Variants in ZNF521 observed in about 807,000 individuals in gnomAD.
ZNF521 encodes the protein LYST-interacting protein 3.
Under a neutral mutation model 105.5 loss-of-function variants are expected in ZNF521, and 14 were observed. The observed-to-expected ratio is 0.13, with a 90% CI of 0.09 to 0.21. ZNF521 has a LOEUF of 0.21. Ranked by LOEUF, ZNF521 falls within the 10% of genes least tolerant of loss-of-function variation. The probability of loss-of-function intolerance (pLI) is 1.00; values close to 1 mark genes in which losing one functional copy is unlikely to be tolerated. For synonymous variants in ZNF521, 635 were observed against 606.0 expected, an observed-to-expected ratio of 1.05 and a Z score of -0.70; for missense variants, 1,233 against 1,629.7, an observed-to-expected ratio of 0.76 and a Z score of 4.19.
At chr18:25,197,130 T>A (rs1329937230) in intron 4 of ZNF521, among the ~76,000 whole-genome samples, 1 of 151,890 alleles carries the variant, frequency 6.6e-6, no homozygotes, top group Non-Finnish European at 1.5e-5. Context: ...AGTTTTCTTT[T>A]ATCATTGAAT....
At chr18:25,180,283 A>C (rs1335959030) in intron 5 of ZNF521, among the ~76,000 whole-genome samples, 1 of 152,206 alleles carries the variant, frequency 6.6e-6, no homozygotes, top group Non-Finnish European at 1.5e-5. Context: ...AGCACCCTGG[A>C]CATAGAATGC....
intron 4 of ZNF521, among the ~76,000 whole-genome samples, chr18:25,200,278 C>A (rs1271154449): frequency 2.6e-5 from 4 of 152,128 alleles, no homozygotes; most frequent in Non-Finnish European, 4.4e-5. Flanking sequence ...CTGTCGGTAG[C>A]CACGTTAGCC....
intron 3 of ZNF521, among the ~76,000 whole-genome samples, chr18:25,282,898 G>A (rs1910465951): frequency 6.6e-6 from 1 of 152,172 alleles, no homozygotes; most frequent in African/African-American, 2.4e-5. Flanking sequence ...GGCACCACGT[G>A]GAGTAGAGAT....
Position 25,248,234 on chromosome 18 carries a change from T to C in ZNF521, c.221-20537A>G, listed in dbSNP as rs558015837. 2.0e-5 allele frequency among the ~76,000 whole-genome samples: 3 copies of C among 152,282 alleles called. No homozygotes were observed. In the South Asian group the frequency reaches 6.2e-4, roughly 32 times the overall value. On this transcript the variant is annotated intron_variant, in intron 3 of 7. Transcript: ENST00000361524. ...GTAGGCACCCTTATAAAAAAGGAGT[T>C]TGACATGTATGTCCCACAGACTCTA... is the stretch of plus-strand genomic sequence containing the variant.
intron 3 of ZNF521, among the ~76,000 whole-genome samples, chr18:25,255,026 G>A (rs1000472550): frequency 2.6e-5 from 4 of 152,126 alleles, no homozygotes; most frequent in Non-Finnish European, 5.9e-5. Flanking sequence ...CAATTTTAAT[G>A]TATTCCAAAG....
intron 3 of ZNF521, among the ~76,000 whole-genome samples, chr18:25,308,654 C>A (rs976307073): frequency 4.9e-5 from 7 of 142,934 alleles, no homozygotes; most frequent in African/African-American, 1.0e-4. Context: ...TGACATCCCC[C>A]CCCCCCCACC....
chr18:25,063,162 C>T (rs2032955584), intron 7 of ZNF521, among the ~76,000 whole-genome samples: 1 of 152,356 alleles, frequency 6.6e-6, no homozygotes, highest in East Asian at 1.9e-4. Flanking sequence ...GCAGGTAGCA[C>T]TGTTTTAACA....
At chr18:25,342,282 C>T (rs1161523894) in intron 2 of ZNF521, among the ~76,000 whole-genome samples, 1 of 152,190 alleles carries the variant, frequency 6.6e-6, no homozygotes, top group East Asian at 1.9e-4. Flanking sequence ...CCCCAAACCC[C>T]CCTATGTATA....
intron 3 of ZNF521, among the ~76,000 whole-genome samples, chr18:25,297,102 G>A (rs1231352807): frequency 1.3e-5 from 2 of 149,402 alleles, no homozygotes; most frequent in Non-Finnish European, 3.0e-5. Flanking sequence ...CATATATATA[G>A]ACACATATAC....
chr18:25,105,039 A>G (rs930337155), intron 5 of ZNF521, among the ~76,000 whole-genome samples: 1 of 152,216 alleles, frequency 6.6e-6, no homozygotes, highest in African/African-American at 2.4e-5. Context: ...AGAATTAGAC[A>G]TAACTATTGC....
chr18:25,078,183 G>A (rs1916647936), intron 7 of ZNF521, among the ~76,000 whole-genome samples: 1 of 152,168 alleles, frequency 6.6e-6, no homozygotes, highest in Non-Finnish European at 1.5e-5. Flanking sequence ...TCCTTTGAGG[G>A]CTGATTATAA....
intron 3 of ZNF521, among the ~76,000 whole-genome samples, chr18:25,315,135 A>G (rs1912530185): frequency 6.6e-6 from 1 of 152,144 alleles, no homozygotes; most frequent in Non-Finnish European, 1.5e-5. Context: ...TTAAATATAT[A>G]TTTTGATAAT....
At chr18:25,121,290 T>TTTG (rs1491132776) in intron 5 of ZNF521, among the ~76,000 whole-genome samples, 9 of 129,092 alleles carry the variant, frequency 7.0e-5, no homozygotes, top group African/African-American at 1.8e-4. Flanking sequence ...TTTTTTTTTT[T>TTTG]GAGACAAAGT....
At chr18:25,312,350 G>A (rs34326525) in intron 3 of ZNF521, among the ~76,000 whole-genome samples, 9,624 of 152,100 alleles carry the variant, frequency 0.063, 441 homozygotes, top group Non-Finnish European at 0.086. Context: ...TTTTGATAGC[G>A]AATTTTACAA....
chr18:25,066,942 A>G lies in ZNF521; in HGVS notation c.3907-4201T>C, dbSNP rs533944329. Among the ~76,000 whole-genome samples the G allele has an allele frequency of 2.0e-5, 3 of 152,346 alleles. No individual in the cohort carries two copies. In the South Asian group the frequency reaches 6.2e-4, roughly 32 times the overall value. On this transcript the variant is annotated intron_variant, in intron 7 of 7. Coordinates refer to ENST00000361524, the MANE Select transcript of ZNF521 (RefSeq NM_015461.3). ...CTTTAATGCAATGACAGGTTATGAG[A>G]AAAAATATCTGTTCCAATGAAGGGA...
chr18:25,200,416 T>C (rs894898285), intron 4 of ZNF521, among the ~76,000 whole-genome samples: 9 of 151,856 alleles, frequency 5.9e-5, no homozygotes, highest in African/African-American at 1.7e-4. Context: ...TTTTTGGCCA[T>C]GTTTCAAACT....
At chr18:25,279,269 T>C (rs778826943) in intron 3 of ZNF521, among the ~76,000 whole-genome samples, 40 of 152,224 alleles carry the variant, frequency 2.6e-4, no homozygotes, top group Non-Finnish European at 5.7e-4. Context: ...TATAAAAATA[T>C]ACTACAGCAT....
chr18:25,167,966 G>A (rs923137512), intron 5 of ZNF521, among the ~76,000 whole-genome samples: 2 of 152,204 alleles, frequency 1.3e-5, no homozygotes, highest in Non-Finnish European at 2.9e-5. Context: ...TCGCATAAAA[G>A]AGGGTATGCA....
intron 5 of ZNF521, among the ~76,000 whole-genome samples, chr18:25,113,023 T>TG (rs2034225076): frequency 1.3e-5 from 2 of 150,766 alleles, no homozygotes; most frequent in African/African-American, 4.9e-5. Context: ...TAACCTTTTT[T>TG]TTTTTCCTCT....
Sources: allele counts gnomAD v4.1 joint callset (sites outside exome capture counted in the v4.1 genomes callset), GRCh38; gene constraint gnomAD v4.1.1; transcripts MANE v1.5; gene names NCBI Gene and HGNC (gene_info 2026-07-23, HGNC 2026-07-21).